Variants in TRIT1 observed in about 807,000 individuals in gnomAD.
TRIT1 encodes tRNA dimethylallyltransferase.
In TRIT1, 43 loss-of-function variants were observed where a neutral mutation model predicts 51.2. The ratio of observed to expected loss-of-function variants is 0.84; its 90% CI spans 0.66 to 1.08. The LOEUF (loss-of-function observed/expected upper bound fraction) is 1.08. Ranked by LOEUF, TRIT1 falls within the 50% of genes least tolerant of loss-of-function variation. The pLI is 0.00. For synonymous variants in TRIT1, 184 were observed against 203.9 expected (o/e 0.90, Z 0.83); for missense variants, 528 against 578.4 (o/e 0.91, Z 0.89).
chr1:39,849,916 T>A (rs945896460), intron 5 of TRIT1, among the ~76,000 whole-genome samples: 4 of 152,234 alleles, frequency 2.6e-5, no homozygotes, highest in Non-Finnish European at 5.9e-5. Flanking sequence ...GCCAGGGCTA[T>A]CCTTTCTCCC....
intron 1 of TRIT1, among the ~76,000 whole-genome samples, chr1:39,870,687 A>T (rs182651793): frequency 6.6e-5 from 10 of 152,202 alleles, no homozygotes; most frequent in Admixed American, 5.9e-4. Flanking sequence ...ACGAATTCTC[A>T]TTCACTACTG....
Position 39,838,469 on chromosome 1 carries a change from T to C in TRIT1, c.*3275A>G, listed in dbSNP as rs1210319096. Among the ~76,000 whole-genome samples the C allele has an allele frequency of 6.6e-6, 1 of 152,064 alleles. No homozygotes were observed. The highest frequency in any genetic ancestry group is 1.5e-5 in the Non-Finnish European group (1 of 67,996). On this transcript the variant is annotated 3_prime_UTR_variant, in exon 11 of 11. Coordinates refer to ENST00000316891, the MANE Select transcript of TRIT1 (RefSeq NM_017646.6). ...CATGTGTGTTTGGGGGAGGGGGTTG[T>C]TAGTTTTATTTTCTTTTTGAGCAAC...
intron 8 of TRIT1, 158 bp downstream of exon 8, chr1:39,847,062 T>A: frequency 1.8e-5 from 10 of 546,410 alleles, no homozygotes; most frequent in South Asian, 6.4e-5. Flanking sequence ...CCCAAGAAAA[T>A]ATCCCTGGAT....
In TRIT1 at chr1:39,847,197, A is replaced by T. The variant is rs1350050702; in HGVS notation, c.1006+23T>A. 1.9e-6 allele frequency: 3 copies of T among 1,606,568 alleles called. No individual in the cohort carries two copies. The Admixed American group carries it at 5.0e-5, about 27-fold the overall frequency. The stretch of plus-strand genomic sequence containing the variant: ...ATTCTATTGAAAACAGACCCATAGG[A>T]TAAAGAAAAACATGAGACTTACTGC... On this transcript the variant is annotated intron_variant, in intron 8 of 10. Coordinates refer to ENST00000316891, the MANE Select transcript of TRIT1 (RefSeq NM_017646.6).
chr1:39,880,112 T>C (rs912139762), intron 1 of TRIT1, among the ~76,000 whole-genome samples: 1 of 149,742 alleles, frequency 6.7e-6, no homozygotes, highest in African/African-American at 2.5e-5. Context: ...GAGGCGGAGG[T>C]TGCAGTGAGC....
intron 1 of TRIT1, among the ~76,000 whole-genome samples, chr1:39,872,787 A>G (rs1261971568): frequency 7.7e-6 from 1 of 130,468 alleles, no homozygotes; most frequent in Non-Finnish European, 1.6e-5. Flanking sequence ...ACACAGAGAG[A>G]GAGAGAAAGA....
chr1:39,858,312 G>A (rs754893007), intron 1 of TRIT1, among the ~76,000 whole-genome samples: 27 of 152,144 alleles, frequency 1.8e-4, no homozygotes, highest in Non-Finnish European at 3.8e-4. Flanking sequence ...ACAGTGTAAT[G>A]GTTAGGAGGA....
intron 3 of TRIT1, 154 bp downstream of exon 3, chr1:39,853,816 A>G (rs1293759106): frequency 1.3e-5 from 8 of 600,464 alleles, no homozygotes; most frequent in Non-Finnish European, 1.2e-5. Context: ...CACACTTCAC[A>G]CATGGAGGTG....
chr1:39,856,692 C>G (rs1642923048), intron 2 of TRIT1, among the ~76,000 whole-genome samples: 1 of 152,056 alleles, frequency 6.6e-6, no homozygotes, highest in Non-Finnish European at 1.5e-5. Context: ...TTATATTATT[C>G]TTTTTGCAAA....
At position 39,852,848 on chromosome 1, in the gene TRIT1, A is replaced by G; in HGVS notation, c.443T>C (p.Ile148Thr). 1 of 1,614,222 alleles carries G rather than the reference A, an allele frequency of 6.2e-7. No homozygotes were observed. Among genetic ancestry groups the G allele is most frequent in the Non-Finnish European group, 8.5e-7 (1 of 1,180,040 alleles). ...CTTTTCAAGCTCCACTTTTCGGTCA[A>G]TCACTTTCTCAGTGCCCATCTCCTG... is the stretch of plus-strand genomic sequence containing the variant. ...KPQEMGTEKV[I>T]DRKVELEKED... Residue 148 changes from isoleucine to threonine, a missense_variant, in exon 4 of 11, where the codon ATT becomes ACT. Around this residue, in one of 3 missense-constraint regions of TRIT1, gnomAD observed 468 missense variants for 522.6 expected, o/e 0.90. Transcript: ENST00000316891.
chr1:39,865,254 C>G (rs1643471019), intron 1 of TRIT1, among the ~76,000 whole-genome samples: 2 of 152,236 alleles, frequency 1.3e-5, no homozygotes, highest in South Asian at 4.1e-4. Flanking sequence ...TCCTATCCCA[C>G]TAGGCCTTCC....
intron 4 of TRIT1, 126 bp from the exon 5 acceptor site, chr1:39,850,387 G>A (rs780533098): frequency 3.1e-5 from 38 of 1,239,978 alleles, no homozygotes; most frequent in East Asian, 5.1e-5. Flanking sequence ...AGCCAGTCAC[G>A]ACAGTGTGCA....
chr1:39,867,471 T>C (rs1024452740), intron 1 of TRIT1, among the ~76,000 whole-genome samples: 1 of 152,250 alleles, frequency 6.6e-6, no homozygotes, highest in Non-Finnish European at 1.5e-5. Context: ...AACTGAGATG[T>C]GTATAACATA....
chr1:39,870,004 G>T (rs1294972354), intron 1 of TRIT1, among the ~76,000 whole-genome samples: 1 of 152,236 alleles, frequency 6.6e-6, no homozygotes, highest in African/African-American at 2.4e-5. Context: ...ACCCCGTCTG[G>T]GAGGTGTACC....
At chr1:39,879,943 G>A (rs1470642862) in intron 1 of TRIT1, among the ~76,000 whole-genome samples, 2 of 150,320 alleles carry the variant, frequency 1.3e-5, no homozygotes, top group Non-Finnish European at 3.0e-5. Context: ...TTGGGAGGTT[G>A]AGGTGGGCGG....
At chr1:39,880,346 T>C (rs545085089) in intron 1 of TRIT1, among the ~76,000 whole-genome samples, 1 of 151,430 alleles carries the variant, frequency 6.6e-6, no homozygotes, top group African/African-American at 2.4e-5. Flanking sequence ...GAGTTGTTGA[T>C]ATTTATTATT....
Position 39,847,298 on chromosome 1 carries a change from C to G in TRIT1, c.929-1G>C. On this transcript the variant is annotated splice_acceptor_variant, in intron 7 of 10. Coordinates refer to ENST00000316891, the MANE Select transcript of TRIT1 (RefSeq NM_017646.6). LOFTEE classifies it high-confidence loss of function. ...GTTACTTGTTTCAGAGCCTCAATACCTGAAAGATACAGTAGATTTAAGAAC... is the reference window on the plus strand; with the variant it reads ...GTTACTTGTTTCAGAGCCTCAATACGTGAAAGATACAGTAGATTTAAGAAC... The G allele has an allele frequency of 6.2e-7, 1 of 1,613,474 alleles. No individual in the cohort carries two copies. Among genetic ancestry groups the G allele is most frequent in the Non-Finnish European group, 8.5e-7 (1 of 1,179,426 alleles).
intron 8 of TRIT1, 129 bp downstream of exon 8, chr1:39,847,091 A>C (rs78760144): frequency 0.022 from 14,586 of 672,908 alleles, 868 homozygotes; most frequent in East Asian, 0.19. Context: ...ATGTTATAGA[A>C]CTTCCCTTAG....
chr1:39,844,467 A>T, intron 9 of TRIT1, 64 bp downstream of exon 9: 1 of 1,270,858 alleles, frequency 7.9e-7, no homozygotes, highest in Non-Finnish European at 1.1e-6. Context: ...ATAGCAACAA[A>T]GGTGTCAGCT....
Sources: allele counts gnomAD v4.1 joint callset (sites outside exome capture counted in the v4.1 genomes callset), GRCh38; gene constraint gnomAD v4.1.1; regional missense constraint gnomAD v4.1.1; transcripts MANE v1.5; gene names NCBI Gene and HGNC (gene_info 2026-07-23, HGNC 2026-07-21).